Variants in EYS observed in about 807,000 individuals in gnomAD.
The protein encoded by EYS is protein eyes shut homolog.
A neutral mutation model predicts 282.1 loss-of-function variants in EYS; 250 were observed. The observed-to-expected ratio is 0.89, with a 90% CI of 0.80 to 0.98. EYS has a LOEUF of 0.98. Ranked by LOEUF, EYS falls within the 50% of genes least tolerant of loss-of-function variation. The pLI, the probability that EYS is intolerant of heterozygous loss-of-function variation, is 0.00. For missense variants in EYS, 4,016 were observed against 3,709.0 expected (o/e 1.08, Z -2.15); for synonymous variants, 1,355 against 1,282.9 (o/e 1.06, Z -1.20).
At chr6:63,746,774 C>T (rs1202151613) in intron 41 of EYS, among the ~76,000 whole-genome samples, 1 of 152,070 alleles carries the variant, frequency 6.6e-6, no homozygotes, top group Non-Finnish European at 1.5e-5. Context: ...GTGGTGATAT[C>T]CCCTTTATCA....
intron 2 of EYS, among the ~76,000 whole-genome samples, chr6:65,561,382 C>T (rs1769051773): frequency 2.0e-5 from 3 of 152,180 alleles, no homozygotes; most frequent in African/African-American, 7.2e-5. Flanking sequence ...ATTTACTTCT[C>T]TCTCAAGGGT....
At chr6:65,704,421 C>CT (rs1418026975) in intron 1 of EYS, among the ~76,000 whole-genome samples, 1 of 152,146 alleles carries the variant, frequency 6.6e-6, no homozygotes, top group African/African-American at 2.4e-5. Flanking sequence ...GATTACTCTG[C>CT]TAAGCTAATA....
At chr6:65,480,050 A>G (rs988736996) in intron 5 of EYS, among the ~76,000 whole-genome samples, 8 of 151,528 alleles carry the variant, frequency 5.3e-5, no homozygotes, top group Non-Finnish European at 8.8e-5. Flanking sequence ...CTGTAGTCCC[A>G]GCTACTTGGG....
intron 22 of EYS, among the ~76,000 whole-genome samples, chr6:64,686,831 A>ATATGTGTGTG: frequency 1.9e-5 from 1 of 51,666 alleles, no homozygotes; most frequent in African/African-American, 7.4e-5. Flanking sequence ...GTGTATATAT[A>ATATGTGTGTG]TATATACGTG....
At chr6:65,618,909 T>C (rs1287934904) in intron 2 of EYS, among the ~76,000 whole-genome samples, 3 of 152,204 alleles carry the variant, frequency 2.0e-5, no homozygotes, top group African/African-American at 7.2e-5. Context: ...TCCATTGATC[T>C]ATATCTCTGT....
rs188437430 is a variant in EYS at position 64,154,058 on chromosome 6, T to G, written c.6425-72056A>C. On this transcript the variant is annotated intron_variant, in intron 31 of 42. Coordinates refer to ENST00000503581, the MANE Select transcript of EYS (RefSeq NM_001142800.2). ...AATAATACTTACTGTTTTTAGATAT[T>G]TATTTGTTGAAATAGTATAATAACT... Among the ~76,000 whole-genome samples the G allele has an allele frequency of 1.6e-4, 24 of 152,344 alleles. No individual in the cohort carries two copies. In the East Asian group the frequency reaches 4.6e-3, roughly 29 times the overall value.
chr6:65,244,672 C>T (rs972689295), intron 12 of EYS, among the ~76,000 whole-genome samples: 3 of 133,512 alleles, frequency 2.2e-5, no homozygotes, highest in South Asian at 2.5e-4. Flanking sequence ...GCCAGCCCTC[C>T]CGGGTAATTT....
intron 40 of EYS, among the ~76,000 whole-genome samples, chr6:63,763,872 A>T (rs560559316): frequency 3.4e-3 from 162 of 47,220 alleles, no homozygotes; most frequent in East Asian, 0.015. Context: ...ATATCTTGTT[A>T]TATATATATA....
intron 5 of EYS, among the ~76,000 whole-genome samples, chr6:65,431,767 C>G (rs954065293): frequency 7.2e-5 from 11 of 152,112 alleles, no homozygotes; most frequent in African/African-American, 2.6e-4. Flanking sequence ...TAAAATCAAA[C>G]TAAGTTTTAA....
chr6:64,778,290 G>A (rs1773740931), intron 22 of EYS, among the ~76,000 whole-genome samples: 1 of 152,134 alleles, frequency 6.6e-6, no homozygotes, highest in Non-Finnish European at 1.5e-5. Context: ...AGACACATTT[G>A]AATTGAGCTT....
chr6:64,537,295 A>G (rs1764547723), intron 26 of EYS, among the ~76,000 whole-genome samples: 1 of 150,530 alleles, frequency 6.6e-6, no homozygotes, highest in African/African-American at 2.5e-5. Context: ...ACTGAGAATG[A>G]TGATTTCCAA....
At chr6:64,548,621 T>C (rs1305175589) in intron 26 of EYS, among the ~76,000 whole-genome samples, 2 of 151,754 alleles carry the variant, frequency 1.3e-5, no homozygotes, top group African/African-American at 4.8e-5. Context: ...AGGTGGGAAT[T>C]GAACAATGAG....
chr6:65,110,245 T>C (rs1775176720), intron 12 of EYS, among the ~76,000 whole-genome samples: 1 of 152,178 alleles, frequency 6.6e-6, no homozygotes. Flanking sequence ...TGTTCATTCA[T>C]TAATCATTTA....
At chr6:65,676,693 C>A (rs1009504353) in intron 1 of EYS, among the ~76,000 whole-genome samples, 2 of 151,718 alleles carry the variant, frequency 1.3e-5, no homozygotes. Context: ...GACAATACTT[C>A]CAACATCATT....
intron 26 of EYS, among the ~76,000 whole-genome samples, chr6:64,439,815 A>G (rs1774874663): frequency 6.6e-6 from 1 of 151,858 alleles, no homozygotes; most frequent in Admixed American, 6.6e-5. Flanking sequence ...GAGTTTCTTA[A>G]CAACTCTCAC....
chr6:64,891,094 T>C (rs373555739), intron 18 of EYS, among the ~76,000 whole-genome samples: 1 of 151,828 alleles, frequency 6.6e-6, no homozygotes, highest in East Asian at 1.9e-4. Context: ...TTAATAATGA[T>C]GCAAAAAGGC....
At chr6:64,347,355 G>T (rs1166927321) in intron 29 of EYS, among the ~76,000 whole-genome samples, 1 of 151,284 alleles carries the variant, frequency 6.6e-6, no homozygotes, top group Non-Finnish European at 1.5e-5. Context: ...TGCAATTGAG[G>T]TTATACATTT....
chr6:64,764,864 A>T (rs1583131148), intron 22 of EYS, among the ~76,000 whole-genome samples: 1 of 151,946 alleles, frequency 6.6e-6, no homozygotes, highest in African/African-American at 2.4e-5. Context: ...TCAGCCTCCC[A>T]AGTAGGTGGG....
intron 35 of EYS, among the ~76,000 whole-genome samples, chr6:63,949,728 C>T (rs1765511875): frequency 1.3e-5 from 2 of 152,264 alleles, no homozygotes; most frequent in South Asian, 4.1e-4. Context: ...AAATAATAAA[C>T]TAACAAATAT....
Sources: allele counts gnomAD v4.1 joint callset (sites outside exome capture counted in the v4.1 genomes callset), GRCh38; gene constraint gnomAD v4.1.1; transcripts MANE v1.5; gene names NCBI Gene and HGNC (gene_info 2026-07-23, HGNC 2026-07-21).